KCNH1: variants seen among roughly 807,000 people sequenced by gnomAD.
The protein encoded by KCNH1 is voltage-gated delayed rectifier potassium channel KCNH1.
Under a neutral mutation model 69.2 loss-of-function variants are expected in KCNH1, and 27 were observed. The ratio of observed to expected loss-of-function variants is 0.39; its 90% CI spans 0.29 to 0.54. The LOEUF is 0.54. Among genes scored for constraint, KCNH1 ranks in the 20% least tolerant of loss-of-function variants. KCNH1 has a pLI of 0.68. For synonymous variants in KCNH1, 456 were observed against 487.7 expected (o/e 0.93, Z 0.86); for missense variants, 798 against 1,261.6 (o/e 0.63, Z 5.57).
chr1:210,898,560 G>C (rs1483806133), intron 7 of KCNH1, among the ~76,000 whole-genome samples: 1 of 152,126 alleles, frequency 6.6e-6, no homozygotes, highest in Non-Finnish European at 1.5e-5. Flanking sequence ...GGCTGGGACT[G>C]CCTAGGAAAG....
At chr1:211,075,806 C>A (rs767674680) in intron 5 of KCNH1, among the ~76,000 whole-genome samples, 146 of 152,324 alleles carry the variant, frequency 9.6e-4, no homozygotes, top group African/African-American at 3.3e-3. Context: ...TGCAAGGGAT[C>A]GGGGGATTTC....
At chr1:210,948,307 A>C (rs1247950268) in intron 6 of KCNH1, among the ~76,000 whole-genome samples, 1 of 152,200 alleles carries the variant, frequency 6.6e-6, no homozygotes, top group African/African-American at 2.4e-5. Flanking sequence ...CTATAGAAGA[A>C]TGTTTGACAA....
rs1411982257 is a variant in KCNH1, at chr1:210,682,175, T to C, written c.*1106A>G. 6.6e-6 allele frequency: 1 copy of C among 152,166 alleles called. No individual in the cohort carries two copies. The highest frequency in any genetic ancestry group is 2.4e-5 in the African/African-American group (1 of 41,436). 9.4% of individuals were successfully genotyped at this position (152,166 alleles called of 1,614,324 possible). On this transcript the variant is annotated 3_prime_UTR_variant, in exon 11 of 11. Transcript: ENST00000271751. The stretch of plus-strand genomic sequence containing the variant: ...ATTTTCTCTTGAAATCCTACTGACT[T>C]TAATAGGAAATAGAGAGACTGGCTT...
chr1:211,037,787 A>G (rs535924908), intron 5 of KCNH1, among the ~76,000 whole-genome samples: 1 of 152,174 alleles, frequency 6.6e-6, no homozygotes, highest in Admixed American at 6.5e-5. Flanking sequence ...TGTGTCCCCA[A>G]CCAAATCTCA....
chr1:210,825,638 C>T (rs1053709283), intron 7 of KCNH1, among the ~76,000 whole-genome samples: 8 of 152,298 alleles, frequency 5.3e-5, no homozygotes, highest in African/African-American at 1.2e-4. Flanking sequence ...ACTTTGAGAA[C>T]GGTTGCCCTG....
intron 6 of KCNH1, among the ~76,000 whole-genome samples, chr1:210,981,241 T>C (rs1191618143): frequency 1.3e-5 from 2 of 152,116 alleles, no homozygotes; most frequent in Non-Finnish European, 2.9e-5. Context: ...GCATTGGCCA[T>C]GTTGGACTGA....
chr1:211,054,897 GA>G (rs1335568896), intron 5 of KCNH1, among the ~76,000 whole-genome samples: 2 of 152,012 alleles, frequency 1.3e-5, no homozygotes, highest in Admixed American at 6.5e-5. Flanking sequence ...TGGAGGGGGA[GA>G]AAGCAGATAA....
intron 1 of KCNH1, among the ~76,000 whole-genome samples, chr1:211,114,180 A>T (rs1463503917): frequency 6.6e-6 from 1 of 152,076 alleles, no homozygotes; most frequent in Non-Finnish European, 1.5e-5. Context: ...GACCCAAGGA[A>T]CAAGAGGGGA....
chr1:210,758,460 G>A lies in KCNH1; in HGVS notation c.2112+16888C>T, dbSNP rs938770950. ...GAACCAGTCTGTGTATGCCACTACTGGATGCCCCAGCCTGCTCCCTTGGTC... is the reference window on the plus strand; with the variant it reads ...GAACCAGTCTGTGTATGCCACTACTAGATGCCCCAGCCTGCTCCCTTGGTC... On this transcript the variant is annotated intron_variant, in intron 10 of 10. Transcript: ENST00000271751. 3.9e-5 allele frequency among the ~76,000 whole-genome samples: 6 copies of A among 152,314 alleles called. No individual in the cohort carries two copies. The East Asian group carries it at 1.2e-3, about 29-fold the overall frequency.
chr1:211,079,570 A>G (rs991643995), intron 5 of KCNH1, among the ~76,000 whole-genome samples: 4 of 152,254 alleles, frequency 2.6e-5, no homozygotes, highest in Non-Finnish European at 5.9e-5. Context: ...AATCCTCAGT[A>G]AAATACGGGC....
At chr1:210,809,307 G>A (rs1289171812) in intron 7 of KCNH1, among the ~76,000 whole-genome samples, 1 of 152,086 alleles carries the variant, frequency 6.6e-6, no homozygotes, top group Non-Finnish European at 1.5e-5. Context: ...AAATGACAAG[G>A]TTCATAAATT....
chr1:211,057,634 G>A lies in KCNH1; in HGVS notation c.558+25146C>T, dbSNP rs747888280. 2.2e-4 allele frequency among the ~76,000 whole-genome samples: 33 copies of A among 151,334 alleles called. 1 individual carries two copies. The highest frequency in any genetic ancestry group is 3.8e-4 in the Non-Finnish European group (26 of 67,926). On this transcript the variant is annotated intron_variant, in intron 5 of 10. Coordinates refer to ENST00000271751, the MANE Select transcript of KCNH1 (RefSeq NM_172362.3). ...AGCCTGGGTGGCAGAGAAAGACCCT[G>A]TCCCAAAAAAATGAGAAAAAGAAAG... is the stretch of plus-strand genomic sequence containing the variant.
intron 10 of KCNH1, among the ~76,000 whole-genome samples, chr1:210,749,498 C>G (rs371415500): frequency 5.2e-4 from 79 of 152,310 alleles, no homozygotes; most frequent in African/African-American, 1.9e-3. Flanking sequence ...GGTGTTCAAT[C>G]AGCAACACAG....
intron 7 of KCNH1, among the ~76,000 whole-genome samples, chr1:210,917,772 C>A (rs1476398889): frequency 6.6e-6 from 1 of 152,138 alleles, no homozygotes; most frequent in Non-Finnish European, 1.5e-5. Context: ...TCGGGTGCCC[C>A]AAGGCTCACA....
chr1:210,960,525 G>A (rs141661123), intron 6 of KCNH1, among the ~76,000 whole-genome samples: 43 of 152,276 alleles, frequency 2.8e-4, no homozygotes, highest in Non-Finnish European at 5.3e-4. Context: ...ATCATACAGT[G>A]TACACTCTGA....
intron 7 of KCNH1, among the ~76,000 whole-genome samples, chr1:210,808,659 G>A (rs982346413): frequency 6.6e-6 from 1 of 151,866 alleles, no homozygotes; most frequent in African/African-American, 2.4e-5. Context: ...GCCTCCCAAA[G>A]TGCTGGAATT....
At chr1:210,784,246 G>A (rs1416767488) in intron 9 of KCNH1, among the ~76,000 whole-genome samples, 1 of 152,168 alleles carries the variant, frequency 6.6e-6, no homozygotes, top group Non-Finnish European at 1.5e-5. Flanking sequence ...ACAAAGTTTT[G>A]ACATCTTATA....
intron 7 of KCNH1, chr1:210,858,509 C>T (rs1574300475): frequency 6.6e-6 from 1 of 152,272 alleles, no homozygotes; most frequent in East Asian, 1.9e-4. Context: ...AAACATTTTG[C>T]TATTTTATGC....
intron 5 of KCNH1, among the ~76,000 whole-genome samples, chr1:211,075,135 A>G (rs1690710454): frequency 6.6e-6 from 1 of 152,240 alleles, no homozygotes; most frequent in Non-Finnish European, 1.5e-5. Context: ...TCTATTAACC[A>G]TAAGAAGCAG....
Sources: gnomAD v4.1 joint callset for allele counts (sites outside exome capture counted in the v4.1 genomes callset) on GRCh38, gnomAD v4.1.1 for gene constraint, MANE v1.5 for transcripts, NCBI Gene and HGNC (gene_info 2026-07-23, HGNC 2026-07-21) for gene names.